ASAP1: variants seen among roughly 807,000 people sequenced by gnomAD.
ASAP1 encodes ArfGAP with SH3 domain, ankyrin repeat and PH domain 1, also known as arf-GAP with SH3 domain, ANK repeat and PH domain-containing protein 1.
In ASAP1, 43 loss-of-function variants were observed where a neutral mutation model predicts 145.2. That is an observed-to-expected ratio of 0.30 (90% CI 0.23 to 0.38). ASAP1 has a LOEUF of 0.38. ASAP1 is among the 10% of genes least tolerant of loss of function. The probability of loss-of-function intolerance (pLI) is 1.00; values close to 1 mark genes in which losing one functional copy is unlikely to be tolerated. For synonymous variants in ASAP1, 546 were observed against 515.5 expected (o/e 1.06, Z -0.80); for missense variants, 1,018 against 1,355.3 (o/e 0.75, Z 3.91).
At chr8:130,066,677 T>C (rs1442522523) in intron 27 of ASAP1, among the ~76,000 whole-genome samples, 1 of 152,108 alleles carries the variant, frequency 6.6e-6, no homozygotes, top group Non-Finnish European at 1.5e-5. Flanking sequence ...TTCCTATACC[T>C]ACCAACTACA....
intron 3 of ASAP1, among the ~76,000 whole-genome samples, chr8:130,324,815 T>TA (rs1046889722): frequency 2.0e-5 from 3 of 152,196 alleles, no homozygotes; most frequent in African/African-American, 7.2e-5. Context: ...ACTCATTTTT[T>TA]ACAGCACCTC....
chr8:130,190,384 C>T (rs1479879334), intron 5 of ASAP1, among the ~76,000 whole-genome samples: 3 of 152,104 alleles, frequency 2.0e-5, no homozygotes, highest in African/African-American at 7.2e-5. Flanking sequence ...ATCCAATTTT[C>T]CCAGCACCAT....
Position 130,052,719 on chromosome 8 carries a change from T to C in ASAP1, c.*2012A>G, listed in dbSNP as rs1035005225. On this transcript the variant is annotated 3_prime_UTR_variant, in exon 30 of 30. Transcript: ENST00000518721. ...TAATTTTAGACATGCAGCTTTTGTG[T>C]TTTTTTTTTGTTTTTGTTTTTTTTT... is the stretch of plus-strand genomic sequence containing the variant. 7.3e-6 allele frequency: 1 copy of C among 137,748 alleles called. No individual in the cohort carries two copies. Among genetic ancestry groups the C allele is most frequent in the East Asian group, 2.0e-4 (1 of 5,018 alleles). The allele number at this position is 137,748 out of a possible 1,614,324, so 8.5% of individuals were successfully genotyped here.
intron 3 of ASAP1, among the ~76,000 whole-genome samples, chr8:130,331,005 T>G (rs545099244): frequency 1.3e-5 from 2 of 152,240 alleles, no homozygotes; most frequent in South Asian, 4.1e-4. Flanking sequence ...ACCTTAGCTG[T>G]CCATTGGCCA....
chr8:130,134,174 A>T (rs2097588886), intron 15 of ASAP1, 122 bp downstream of exon 15: 1 of 665,606 alleles, frequency 1.5e-6, no homozygotes, highest in Non-Finnish European at 2.4e-6. Context: ...CACAGGCGGG[A>T]AAGAAGCATG....
chr8:130,147,743 CT>C (rs1410832430), intron 13 of ASAP1, among the ~76,000 whole-genome samples: 1 of 152,208 alleles, frequency 6.6e-6, no homozygotes, highest in Non-Finnish European at 1.5e-5. Flanking sequence ...GACTCTCCCC[CT>C]GTTCAAAATG....
intron 27 of ASAP1, among the ~76,000 whole-genome samples, chr8:130,070,851 G>GAAAGC: frequency 2.8e-4 from 1 of 3,572 alleles, no homozygotes; most frequent in East Asian, 0.015. Context: ...GAGAGAGGGA[G>GAAAGC]AGAGAGGGAG....
intron 13 of ASAP1, among the ~76,000 whole-genome samples, chr8:130,151,370 CAAAAAAAAAAAAAAAAAAAAAAA>C (rs58367856): frequency 1.3e-4 from 8 of 62,820 alleles, no homozygotes; most frequent in African/African-American, 2.2e-4. Flanking sequence ...GACTCAGTCT[CAAAAAAAAAAAAAAAAAAAAAAA>C]AAAAAAAAAA....
At chr8:130,166,799 T>G (rs1159301301) in intron 11 of ASAP1, among the ~76,000 whole-genome samples, 1 of 152,190 alleles carries the variant, frequency 6.6e-6, no homozygotes, top group East Asian at 1.9e-4. Context: ...CTATGCTCTT[T>G]CAATATCCAA....
At chr8:130,165,952 T>C (rs1378727961) in intron 11 of ASAP1, among the ~76,000 whole-genome samples, 1 of 152,228 alleles carries the variant, frequency 6.6e-6, no homozygotes, top group Non-Finnish European at 1.5e-5. Context: ...TGTTGTGTGA[T>C]AGTATTTAAA....
At chr8:130,338,760 C>T (rs2137885687) in intron 3 of ASAP1, among the ~76,000 whole-genome samples, 1 of 152,332 alleles carries the variant, frequency 6.6e-6, no homozygotes, top group South Asian at 2.1e-4. Context: ...CCCTGCCACA[C>T]CAATGCTCCA....
At chr8:130,167,929 G>C (rs2097683302) in intron 10 of ASAP1, among the ~76,000 whole-genome samples, 1 of 152,112 alleles carries the variant, frequency 6.6e-6, no homozygotes, top group Admixed American at 6.6e-5. Flanking sequence ...TTTTCAAAGG[G>C]TGGTAATGAA....
intron 9 of ASAP1, among the ~76,000 whole-genome samples, chr8:130,173,841 G>A (rs1813758005): frequency 6.6e-6 from 1 of 151,580 alleles, no homozygotes; most frequent in Non-Finnish European, 1.5e-5. Context: ...GGGAGGCCGA[G>A]ATGGGTAGAT....
intron 3 of ASAP1, among the ~76,000 whole-genome samples, chr8:130,266,884 T>G (rs1384156172): frequency 6.6e-6 from 1 of 151,962 alleles, no homozygotes; most frequent in African/African-American, 2.4e-5. Flanking sequence ...ATGAGAGAAT[T>G]AGTTAACTGG....
At chr8:130,221,077 T>A (rs1817266904) in intron 4 of ASAP1, among the ~76,000 whole-genome samples, 1 of 151,892 alleles carries the variant, frequency 6.6e-6, no homozygotes, top group Non-Finnish European at 1.5e-5. Flanking sequence ...CTACCAAAAA[T>A]ACGAAAATTA....
intron 24 of ASAP1, among the ~76,000 whole-genome samples, chr8:130,110,655 T>C (rs574419840): frequency 6.6e-6 from 1 of 152,362 alleles, no homozygotes; most frequent in South Asian, 2.1e-4. Context: ...GGCCACTGGT[T>C]ATCTTTGAGG....
chr8:130,205,946 T>G (rs922015166), intron 5 of ASAP1, among the ~76,000 whole-genome samples: 3 of 152,188 alleles, frequency 2.0e-5, no homozygotes, highest in African/African-American at 7.2e-5. Flanking sequence ...AGTATCTCTG[T>G]GTACAAATCC....
chr8:130,424,506 C>G (rs1829838864), intron 1 of ASAP1, among the ~76,000 whole-genome samples: 1 of 152,214 alleles, frequency 6.6e-6, no homozygotes, highest in Admixed American at 6.5e-5. Context: ...CTTGTAGGCT[C>G]AGCGTTTGTT....
chr8:130,087,312 G>A (rs1330922117), intron 25 of ASAP1, among the ~76,000 whole-genome samples: 1 of 152,162 alleles, frequency 6.6e-6, no homozygotes, highest in Admixed American at 6.5e-5. Flanking sequence ...TTGAGGTCAG[G>A]AGTTTGAGAC....
Sources: allele counts gnomAD v4.1 joint callset (sites outside exome capture counted in the v4.1 genomes callset), GRCh38; gene constraint gnomAD v4.1.1; transcripts MANE v1.5; gene names NCBI Gene and HGNC (gene_info 2026-07-23, HGNC 2026-07-21).